SNX8: variants seen among roughly 807,000 people sequenced by gnomAD.
SNX8 encodes sorting nexin-8.
A neutral mutation model predicts 51.6 loss-of-function variants in SNX8; 25 were observed. That is an observed-to-expected ratio of 0.48 (90% CI 0.35 to 0.68). The LOEUF (loss-of-function observed/expected upper bound fraction) is 0.68, where lower values mean the gene tolerates loss of function less well. Among genes scored for constraint, SNX8 ranks in the 30% least tolerant of loss-of-function variants. The pLI is 0.00. For synonymous variants in SNX8, 324 were observed against 277.0 expected (o/e 1.17, Z -1.68); for missense variants, 695 against 624.0 (o/e 1.11, Z -1.21).
In SNX8 at chr7:2,292,878, C is replaced by T. The variant is rs182381664; in HGVS notation, c.95-14573G>A. Among the ~76,000 whole-genome samples the T allele has an allele frequency of 7.9e-5, 12 of 152,052 alleles. No homozygotes were observed. In the East Asian group the frequency reaches 2.4e-3, roughly 30 times the overall value. ...CTACAAAACAAAAATAAAAAATTAG[C>T]CAGGCATGGTGGCTCATGCTTGTAG... On this transcript the variant is annotated intron_variant, in intron 1 of 10. Coordinates refer to ENST00000222990, the MANE Select transcript of SNX8 (RefSeq NM_013321.4).
At chr7:2,286,516 T>C (rs1796031865) in intron 1 of SNX8, among the ~76,000 whole-genome samples, 1 of 133,344 alleles carries the variant, frequency 7.5e-6, no homozygotes, top group Admixed American at 8.0e-5. Context: ...TACGGGCTAT[T>C]TTATAATTTT....
chr7:2,285,888 GC>G (rs1696113865), intron 1 of SNX8, among the ~76,000 whole-genome samples: 1 of 152,074 alleles, frequency 6.6e-6, no homozygotes, highest in South Asian at 2.1e-4. Flanking sequence ...TCACTATGTT[GC>G]CCAGGCTGGT....
intron 1 of SNX8, among the ~76,000 whole-genome samples, chr7:2,325,829 C>G (rs1328886975): frequency 4.0e-5 from 6 of 151,288 alleles, no homozygotes; most frequent in Admixed American, 4.0e-4. Flanking sequence ...AAGACTCTGT[C>G]TCAAAAAAAA....
Position 2,254,958 on chromosome 7 carries a change from G to T in SNX8, c.*98C>A. On this transcript the variant is annotated 3_prime_UTR_variant, in exon 11 of 11. Transcript: ENST00000222990. ...TCCAGCTGCAGCACGGGGCGTGGCGGGGAGGGGAGCTGCCGTCCAAAGGGA... is the reference window on the plus strand; with the variant it reads ...TCCAGCTGCAGCACGGGGCGTGGCGTGGAGGGGAGCTGCCGTCCAAAGGGA... 1.2e-6 allele frequency: 1 copy of T among 839,828 alleles called. No individual in the cohort carries two copies. Among genetic ancestry groups the T allele is most frequent in the Non-Finnish European group, 2.0e-6 (1 of 511,280 alleles). 52.0% of individuals were successfully genotyped at this position (839,828 alleles called of 1,614,324 possible). A position where few individuals can be genotyped will look rare whatever the true frequency, so the allele number is the denominator to read the frequency against.
At chr7:2,302,939 C>T (rs1227266077) in intron 1 of SNX8, among the ~76,000 whole-genome samples, 12 of 149,742 alleles carry the variant, frequency 8.0e-5, no homozygotes, top group Non-Finnish European at 1.2e-4. Context: ...GGAGCCTCTC[C>T]GCCCAGCAGC....
chr7:2,330,123 G>A (rs888644032), intron 1 of SNX8, among the ~76,000 whole-genome samples: 5 of 137,046 alleles, frequency 3.6e-5, no homozygotes, highest in African/African-American at 5.5e-5. Flanking sequence ...GAGCCACTGC[G>A]CCCGGCCCTT....
chr7:2,342,172 G>A (rs1280607738), intron 1 of SNX8, among the ~76,000 whole-genome samples: 2 of 150,908 alleles, frequency 1.3e-5, no homozygotes, highest in Non-Finnish European at 3.0e-5. Flanking sequence ...AGAGGGAAAC[G>A]CTGTCTCAAA....
chr7:2,256,565 G>A (rs1048622210), intron 10 of SNX8, among the ~76,000 whole-genome samples: 2 of 152,250 alleles, frequency 1.3e-5, no homozygotes, highest in Non-Finnish European at 1.5e-5. Context: ...CCTTCTCTCA[G>A]CCGCAGGGTG....
At chr7:2,339,056 C>T (rs750261631) in intron 1 of SNX8, among the ~76,000 whole-genome samples, 3 of 152,058 alleles carry the variant, frequency 2.0e-5, no homozygotes, top group Non-Finnish European at 4.4e-5. Context: ...GAACCATAGG[C>T]ACAAGTCACC....
chr7:2,263,107 G>A, intron 7 of SNX8, 123 bp downstream of exon 7: 1 of 1,188,212 alleles, frequency 8.4e-7, no homozygotes, highest in Non-Finnish European at 1.2e-6. Context: ...AACAGAGGGA[G>A]ACTCCTTCTC....
At chr7:2,340,922 G>A (rs1251288692) in intron 1 of SNX8, among the ~76,000 whole-genome samples, 1 of 146,300 alleles carries the variant, frequency 6.8e-6, no homozygotes, top group Non-Finnish European at 1.5e-5. Flanking sequence ...AGTGGCTCAT[G>A]CTTGTAATCC....
At chr7:2,350,065 G>A (rs546079424) in intron 1 of SNX8, among the ~76,000 whole-genome samples, 21 of 152,152 alleles carry the variant, frequency 1.4e-4, no homozygotes, top group African/African-American at 5.1e-4. Flanking sequence ...TCAGGGACTG[G>A]ACACTTCCCG....
intron 7 of SNX8, among the ~76,000 whole-genome samples, chr7:2,259,680 T>C (rs1024345009): frequency 6.6e-6 from 1 of 151,526 alleles, no homozygotes; most frequent in Non-Finnish European, 1.5e-5. Context: ...GGAGAAGAGG[T>C]GTGTTAAGAG....
chr7:2,304,181 A>G (rs559745886), intron 1 of SNX8, among the ~76,000 whole-genome samples: 1,573 of 146,094 alleles, frequency 0.011, 17 homozygotes, highest in Non-Finnish European at 0.014. Context: ...AAAAAAAAAA[A>G]AGAGAGTTGG....
intron 1 of SNX8, chr7:2,307,605 C>G (rs568390769): frequency 1.4e-5 from 2 of 140,080 alleles, no homozygotes; most frequent in South Asian, 4.6e-4. Context: ...GCACTCCAGC[C>G]TGGGCAACAA....
At chr7:2,283,197 CA>C (rs1795948685) in intron 1 of SNX8, among the ~76,000 whole-genome samples, 1 of 152,192 alleles carries the variant, frequency 6.6e-6, no homozygotes, top group Non-Finnish European at 1.5e-5. Context: ...CATTGAAGCA[CA>C]CCTTCGCAAA....
chr7:2,346,556 G>C (rs1212069266), intron 1 of SNX8, among the ~76,000 whole-genome samples: 5 of 151,458 alleles, frequency 3.3e-5, no homozygotes, highest in South Asian at 4.2e-4. Flanking sequence ...GACCATCCTG[G>C]CTAACACAGT....
chr7:2,349,821 C>T (rs543042403), intron 1 of SNX8, among the ~76,000 whole-genome samples: 47 of 152,190 alleles, frequency 3.1e-4, no homozygotes, highest in Non-Finnish European at 6.3e-4. Context: ...CAGCCTCAAC[C>T]TTCCAGGCTC....
chr7:2,326,112 C>A (rs6965699), intron 1 of SNX8, among the ~76,000 whole-genome samples: 2 of 151,888 alleles, frequency 1.3e-5, no homozygotes, highest in East Asian at 1.9e-4. Context: ...TGGCTCATGC[C>A]TATAATCCCA....
Sources: gnomAD v4.1 joint callset for allele counts (sites outside exome capture counted in the v4.1 genomes callset) on GRCh38, gnomAD v4.1.1 for gene constraint, MANE v1.5 for transcripts, NCBI Gene and HGNC (gene_info 2026-07-23, HGNC 2026-07-21) for gene names.